The following PTPN2 variants were observed in gnomAD, a reference collection of about 807,000 sequenced individuals.
PTPN2 encodes tyrosine-protein phosphatase non-receptor type 2.
In PTPN2, 19 loss-of-function variants were observed where a neutral mutation model predicts 57.3. The observed-to-expected ratio is 0.33, with a 90% CI of 0.23 to 0.49. The LOEUF (loss-of-function observed/expected upper bound fraction) is 0.49. Among genes scored for constraint, PTPN2 ranks in the 20% least tolerant of loss-of-function variants. PTPN2 has a pLI of 0.99. For synonymous variants in PTPN2, 153 were observed against 164.9 expected, an observed-to-expected ratio of 0.93 and a Z score of 0.55; for missense variants, 358 against 501.1, an observed-to-expected ratio of 0.71 and a Z score of 2.73.
intron 7 of PTPN2, among the ~76,000 whole-genome samples, chr18:12,807,007 A>C (rs1043738983): frequency 6.6e-6 from 1 of 152,232 alleles, no homozygotes; most frequent in Admixed American, 6.5e-5. Context: ...AATCTACAGA[A>C]TGGAAGAAAA....
intron 2 of PTPN2, among the ~76,000 whole-genome samples, chr18:12,841,507 A>G (rs903193124): frequency 6.6e-6 from 1 of 152,274 alleles, no homozygotes; most frequent in African/African-American, 2.4e-5. Context: ...TGAATCAAGT[A>G]GTGGCGGTGG....
At chr18:12,838,643 A>T (rs555506549) in intron 2 of PTPN2, among the ~76,000 whole-genome samples, 14 of 152,316 alleles carry the variant, frequency 9.2e-5, no homozygotes, top group African/African-American at 3.1e-4. Context: ...TTTAACATTA[A>T]TATACAGAGT....
At chr18:12,828,028 C>A (rs973639919) in intron 4 of PTPN2, among the ~76,000 whole-genome samples, 1 of 151,952 alleles carries the variant, frequency 6.6e-6, no homozygotes, top group Admixed American at 6.6e-5. Context: ...AAAAAGAATT[C>A]TTTGGGTAGT....
At chr18:12,789,320 T>G (rs57528860), downstream of PTPN2, among the ~76,000 whole-genome samples, 22,780 of 152,162 alleles carry the variant, frequency 0.15, 1,894 homozygotes, top group African/African-American at 0.2. Flanking sequence ...ACAAATGAAC[T>G]GGGGAGAAGG....
downstream of PTPN2, chr18:12,788,117 A>G (rs1218681401): frequency 1.7e-4 from 27 of 154,858 alleles, 1 homozygote; most frequent in Admixed American, 1.8e-3. Context: ...AGTTTTTAAC[A>G]GCAGAAATTT....
At chr18:12,801,468 C>T (rs764489661) in intron 8 of PTPN2, among the ~76,000 whole-genome samples, 4 of 151,610 alleles carry the variant, frequency 2.6e-5, no homozygotes, top group South Asian at 2.1e-4. Context: ...GTTGTGCCAC[C>T]GCACTCTAGC....
At chr18:12,795,311 G>A in intron 8 of PTPN2, among the ~76,000 whole-genome samples, 1 of 152,210 alleles carries the variant, frequency 6.6e-6, no homozygotes, top group Non-Finnish European at 1.5e-5. Context: ...GGGAGGCGGG[G>A]TGGATGGAGT....
intron 1 of PTPN2, among the ~76,000 whole-genome samples, chr18:12,870,489 A>AGAGG (rs2044226347): frequency 9.9e-6 from 1 of 101,434 alleles, no homozygotes; most frequent in Non-Finnish European, 1.8e-5. Flanking sequence ...AGAGAGAGAG[A>AGAGG]GAGAGAGAGA....
intron 2 of PTPN2, among the ~76,000 whole-genome samples, chr18:12,847,912 TA>T (rs1436968590): frequency 0.05 from 6,559 of 132,462 alleles, 466 homozygotes; most frequent in African/African-American, 0.16. Flanking sequence ...ACTGAATATT[TA>T]AAAAAAAAAA....
At chr18:12,866,315 G>GT (rs2043990931) in intron 1 of PTPN2, among the ~76,000 whole-genome samples, 1 of 152,026 alleles carries the variant, frequency 6.6e-6, no homozygotes, top group Admixed American at 6.6e-5. Context: ...GCGGGCGCCT[G>GT]TAGTCCCAGC....
At chr18:12,881,265 T>C (rs2044659744) in intron 1 of PTPN2, among the ~76,000 whole-genome samples, 1 of 152,148 alleles carries the variant, frequency 6.6e-6, no homozygotes, top group South Asian at 2.1e-4. Flanking sequence ...CGAAACCCTG[T>C]CTCTACTAAA....
At chr18:12,830,878 G>A in intron 4 of PTPN2, 65 bp downstream of exon 4, 1 of 1,254,658 alleles carries the variant, frequency 8.0e-7, no homozygotes, top group Non-Finnish European at 1.1e-6. Flanking sequence ...GCCCCAAAAT[G>A]AAAATCTTTA....
chr18:12,883,429 G>A (rs1292307934), intron 1 of PTPN2, among the ~76,000 whole-genome samples: 2 of 152,144 alleles, frequency 1.3e-5, no homozygotes, highest in Non-Finnish European at 2.9e-5. Flanking sequence ...CAGAGGCCAC[G>A]AGCCACCCCC....
Position 12,817,264 on chromosome 18 carries a change from C to T in PTPN2, c.597G>A (p.Val199=). Residue 199 remains valine (V), a synonymous_variant, in exon 6 of 9, where the codon GTG becomes GTA. Transcript: ENST00000309660. ...CAGGGTTCAAGGAGCCAGATTCTCTCACTTTAAACAAGAAATTGAGAAATG... is the reference window on the plus strand; with the variant it reads ...CAGGGTTCAAGGAGCCAGATTCTCTTACTTTAAACAAGAAATTGAGAAATG... ...PASFLNFLFK[V]RESGSLNPDH... The T allele has an allele frequency of 6.2e-7, 1 of 1,614,168 alleles. No individual in the cohort carries two copies. The highest frequency in any genetic ancestry group is 1.1e-5 in the South Asian group (1 of 91,088).
chr18:12,805,232 G>C (rs1008595679), intron 7 of PTPN2, among the ~76,000 whole-genome samples: 1 of 152,088 alleles, frequency 6.6e-6, no homozygotes, highest in Non-Finnish European at 1.5e-5. Flanking sequence ...TGAGGTGGGT[G>C]AATCACTTGA....
chr18:12,821,711 T>C (rs1227433977), intron 5 of PTPN2, among the ~76,000 whole-genome samples: 1 of 152,148 alleles, frequency 6.6e-6, no homozygotes, highest in Non-Finnish European at 1.5e-5. Context: ...TAGAGAAGTC[T>C]GTCTGTTAGC....
At position 12,803,670 on chromosome 18, in the gene PTPN2, A is replaced by G. The variant is rs2041511520; in HGVS notation, c.859-1519T>C. Among the ~76,000 whole-genome samples the G allele has an allele frequency of 2.6e-5, 4 of 152,218 alleles. No individual in the cohort carries two copies. The South Asian group carries it at 8.3e-4, about 31-fold the overall frequency. The stretch of plus-strand genomic sequence containing the variant: ...AGGTCAAAGGGGTCAGTTCAGCAGG[A>G]GGATGTAATGATTTTAAATATCTAT... On this transcript the variant is annotated intron_variant, in intron 7 of 8. Transcript: ENST00000309660.
At chr18:12,873,713 G>T (rs1261731464) in intron 1 of PTPN2, among the ~76,000 whole-genome samples, 8 of 146,222 alleles carry the variant, frequency 5.5e-5, no homozygotes, top group South Asian at 4.3e-4. Context: ...CCGCCACCCC[G>T]TCTAGGAAGT....
At chr18:12,843,606 A>G (rs1273552582) in intron 2 of PTPN2, among the ~76,000 whole-genome samples, 2 of 152,070 alleles carry the variant, frequency 1.3e-5, no homozygotes, top group Non-Finnish European at 2.9e-5. Context: ...CAAGATTCTG[A>G]TCAGCTCCGC....
Sources: gnomAD v4.1 joint callset for allele counts (sites outside exome capture counted in the v4.1 genomes callset) on GRCh38, gnomAD v4.1.1 for gene constraint, MANE v1.5 for transcripts, NCBI Gene and HGNC (gene_info 2026-07-23, HGNC 2026-07-21) for gene names.